The following SYT9 variants were observed in gnomAD, a reference collection of about 807,000 sequenced individuals.
SYT9 encodes the protein synaptotagmin 9.
SYT9 carries 22 observed loss-of-function variants against 48.4 expected under a neutral mutation model. The observed-to-expected ratio is 0.45, with a 90% CI of 0.32 to 0.65. The LOEUF is 0.65. SYT9 is among the 30% of genes least tolerant of loss of function. The probability of loss-of-function intolerance (pLI) is 0.03; values close to 1 mark genes in which losing one functional copy is unlikely to be tolerated. For missense variants in SYT9, 577 were observed against 622.0 expected (o/e 0.93, Z 0.77); for synonymous variants, 265 against 245.0 (o/e 1.08, Z -0.76).
At chr11:7,433,360 T>C (rs890518595) in intron 6 of SYT9, among the ~76,000 whole-genome samples, 1 of 152,200 alleles carries the variant, frequency 6.6e-6, no homozygotes, top group African/African-American at 2.4e-5. Context: ...AGAAAGTAAA[T>C]ACCATCCAAA....
intron 1 of SYT9, among the ~76,000 whole-genome samples, chr11:7,283,861 A>G (rs1848550208): frequency 1.3e-5 from 2 of 152,158 alleles, no homozygotes; most frequent in African/African-American, 2.4e-5. Flanking sequence ...TGCTATTACA[A>G]TATTGTAATT....
chr11:7,400,124 T>C lies in SYT9; in HGVS notation c.1045-15918T>C, dbSNP rs557136316. On this transcript the variant is annotated intron_variant, in intron 3 of 6. Coordinates refer to ENST00000318881, the MANE Select transcript of SYT9 (RefSeq NM_175733.4). ...GTGAAGAGTAAATATAAAAACACTTTCTTGCACAGCATGCTAGCAGCAGTG... is the reference window on the plus strand; with the variant it reads ...GTGAAGAGTAAATATAAAAACACTTCCTTGCACAGCATGCTAGCAGCAGTG... 8.5e-4 allele frequency among the ~76,000 whole-genome samples: 130 copies of C among 152,350 alleles called. 1 individual carries two copies. The South Asian group carries it at 0.026, about 31-fold the overall frequency.
At chr11:7,342,578 T>C (rs1234192239) in intron 3 of SYT9, among the ~76,000 whole-genome samples, 1 of 152,206 alleles carries the variant, frequency 6.6e-6, no homozygotes, top group Admixed American at 6.5e-5. Context: ...CCTGTGGCTT[T>C]GCAGGGTACA....
At position 7,416,161 on chromosome 11, in the gene SYT9, A is replaced by G; in HGVS notation, c.1164A>G (p.Ser388=). The G allele has an allele frequency of 6.2e-7, 1 of 1,614,128 alleles. No homozygotes were observed. Among genetic ancestry groups the G allele is most frequent in the Non-Finnish European group, 8.5e-7 (1 of 1,179,972 alleles). ...AGGCAATGGACATAACAGGAGCATC[A>G]GGTGGGGCATTTTCAAATTCAGACT... ...NLKAMDITGA[S]DPYVKVSLMC... The change falls in exon 4 of 7, where the codon TCA becomes TCG. Residue 388 remains serine (S), a splice_region_variant and synonymous_variant. Transcript: ENST00000318881.
intron 3 of SYT9, among the ~76,000 whole-genome samples, chr11:7,339,494 C>T (rs1589956182): frequency 1.3e-5 from 2 of 152,094 alleles, no homozygotes; most frequent in Admixed American, 1.3e-4. Context: ...TGCTAACAGC[C>T]TTTCCTTTCT....
At chr11:7,337,544 G>T (rs917381398) in intron 3 of SYT9, among the ~76,000 whole-genome samples, 2 of 152,018 alleles carry the variant, frequency 1.3e-5, no homozygotes, top group African/African-American at 2.4e-5. Context: ...TTCCTTCAAG[G>T]CCTAGTTTAT....
intron 2 of SYT9, among the ~76,000 whole-genome samples, chr11:7,303,909 C>T (rs1848987725): frequency 1.3e-5 from 2 of 152,312 alleles, no homozygotes; most frequent in East Asian, 1.9e-4. Flanking sequence ...CGCCGTGTGG[C>T]TGGAGGTCTT....
In SYT9 at chr11:7,322,621, C is replaced by A. The variant is rs546153508; in HGVS notation, c.1044+8680C>A. 9.9e-5 allele frequency among the ~76,000 whole-genome samples: 15 copies of A among 152,190 alleles called. No homozygotes were observed. In the South Asian group the frequency reaches 2.9e-3, roughly 30 times the overall value. The stretch of plus-strand genomic sequence containing the variant: ...AAGCTACAGGTCTCTGACGAAGAGA[C>A]TTTAATAGCTTTTATTCTAGTGAGG... On this transcript the variant is annotated intron_variant, in intron 3 of 6. Coordinates refer to ENST00000318881, the MANE Select transcript of SYT9 (RefSeq NM_175733.4).
At chr11:7,433,389 A>G (rs893829050) in intron 6 of SYT9, among the ~76,000 whole-genome samples, 1 of 152,250 alleles carries the variant, frequency 6.6e-6, no homozygotes, top group Non-Finnish European at 1.5e-5. Flanking sequence ...GATTGACTAT[A>G]AATTTTAAAA....
chr11:7,261,002 A>G (rs1848068355), intron 1 of SYT9, among the ~76,000 whole-genome samples: 1 of 152,198 alleles, frequency 6.6e-6, no homozygotes, highest in Admixed American at 6.5e-5. Context: ...ATAGGGCCCA[A>G]GAGGGAATAC....
intron 6 of SYT9, among the ~76,000 whole-genome samples, chr11:7,446,568 ATACCACAGG>A (rs1271457125): frequency 1.3e-5 from 2 of 152,290 alleles, no homozygotes; most frequent in East Asian, 3.9e-4. Context: ...AGCATGTGGT[ATACCACAGG>A]TACCACAGGA....
At chr11:7,307,800 G>C (rs953215637) in intron 2 of SYT9, among the ~76,000 whole-genome samples, 2 of 152,226 alleles carry the variant, frequency 1.3e-5, no homozygotes, top group Admixed American at 1.3e-4. Context: ...AGCTACTGTA[G>C]AGAAAGTTTT....
At chr11:7,426,362 C>T (rs1001482737) in intron 6 of SYT9, among the ~76,000 whole-genome samples, 1 of 152,206 alleles carries the variant, frequency 6.6e-6, no homozygotes, top group East Asian at 1.9e-4. Flanking sequence ...TGTTGAAGTC[C>T]CTGTGGATCC....
rs200896894 is a variant in SYT9, at chr11:7,425,209, GA to G, written c.1467+4578del. On this transcript the variant is annotated intron_variant, in intron 6 of 6. Coordinates refer to ENST00000318881, the MANE Select transcript of SYT9 (RefSeq NM_175733.4). Reference sequence around the variant, plus strand: ...CAATTTGCTGTAGGTCTGGGGTCATGAAAATGTGACCTGGACCTACCTCAGC... The same window carrying G: ...CAATTTGCTGTAGGTCTGGGGTCATGAAATGTGACCTGGACCTACCTCAGC... Among the ~76,000 whole-genome samples, 990 of 152,306 alleles carry G rather than the reference GA, an allele frequency of 6.5e-3. 10 individuals are homozygous for G. Among genetic ancestry groups the G allele is most frequent in the African/African-American group, 0.023 (950 of 41,564 alleles).
At chr11:7,311,227 G>C (rs1384305836) in intron 2 of SYT9, among the ~76,000 whole-genome samples, 1 of 152,142 alleles carries the variant, frequency 6.6e-6, no homozygotes, top group Non-Finnish European at 1.5e-5. Context: ...GCTTCAACCC[G>C]GGAGGTGGAG....
chr11:7,243,071 T>TAAATAAATAAATAA (rs528022019), intron 1 of SYT9, among the ~76,000 whole-genome samples: 16,595 of 150,982 alleles, frequency 0.11, 1,007 homozygotes, highest in Admixed American at 0.14. Flanking sequence ...TAAATAAATA[T>TAAATAAATAAATAA]AAAGTATTAC....
chr11:7,465,204 A>G (rs1442627450), intron 6 of SYT9, among the ~76,000 whole-genome samples: 1 of 152,222 alleles, frequency 6.6e-6, no homozygotes, highest in Non-Finnish European at 1.5e-5. Flanking sequence ...TCCTAGACAC[A>G]GAAACAAAGA....
upstream of SYT9, among the ~76,000 whole-genome samples, chr11:7,247,267 C>A (rs1847803107): frequency 6.6e-6 from 1 of 151,976 alleles, no homozygotes; most frequent in Non-Finnish European, 1.5e-5. Context: ...ACCCTTTCCC[C>A]TGAGTCCCCA....
At chr11:7,454,400 A>G (rs1848111183) in intron 6 of SYT9, 2 of 711,826 alleles carry the variant, frequency 2.8e-6, no homozygotes, top group Non-Finnish European at 3.4e-6. Context: ...CCCAGCCACC[A>G]TCTTCTCCCT....
Sources: allele counts gnomAD v4.1 joint callset (sites outside exome capture counted in the v4.1 genomes callset), GRCh38; gene constraint gnomAD v4.1.1; transcripts MANE v1.5; gene names NCBI Gene and HGNC (gene_info 2026-07-23, HGNC 2026-07-21).